PXDNL: variants seen among roughly 807,000 people sequenced by gnomAD.
PXDNL encodes peroxidasin like.
In PXDNL, 145 loss-of-function variants were observed where a neutral mutation model predicts 150.8. The observed-to-expected ratio is 0.96, with a 90% CI of 0.84 to 1.10. The LOEUF is 1.10. PXDNL is among the 50% of genes least tolerant of loss of function. The pLI, the probability that PXDNL is intolerant of heterozygous loss-of-function variation, is 0.00. For missense variants in PXDNL, 2,087 were observed against 1,873.9 expected (o/e 1.11, Z -2.10); for synonymous variants, 757 against 725.7 (o/e 1.04, Z -0.69).
chr8:51,448,461 T>A (rs1254945171), intron 11 of PXDNL, among the ~76,000 whole-genome samples: 1 of 151,946 alleles, frequency 6.6e-6, no homozygotes, highest in Non-Finnish European at 1.5e-5. Flanking sequence ...TCCCAGAACT[T>A]TGGGAGGCCG....
rs777778611 is a variant in PXDNL, at chr8:51,367,480, GT to G, written c.3901+4392del. Among the ~76,000 whole-genome samples the G allele has an allele frequency of 1.6e-3, 245 of 152,214 alleles. 3 individuals are homozygous for G. Among genetic ancestry groups the G allele is most frequent in the Admixed American group, 3.2e-3 (49 of 15,286 alleles). ...TATTAATATAATTGTTTGTGGAATC[GT>G]CATGTTTATCTTTTTAGAAATAAAT... On this transcript the variant is annotated intron_variant, in intron 19 of 22. Transcript: ENST00000356297.
Position 51,409,321 on chromosome 8 carries a change from C to T in PXDNL, c.2303G>A (p.Gly768Asp), listed in dbSNP as rs956681464. ...GGGCTGGCGGGAGCCCACAGGAAGG[C>T]CGAGCCCGCGGGGCGCGCGGATGCC... Reference protein sequence around the residue: ...RDGIRAPRGLGLPVGSRQPLP... With the variant: ...RDGIRAPRGLDLPVGSRQPLP... The change falls in exon 17 of 23, where the codon GGC becomes GAC. Residue 768 changes from glycine (G) to aspartate (D), a missense_variant. Coordinates refer to ENST00000356297, the MANE Select transcript of PXDNL (RefSeq NM_144651.5). The T allele has an allele frequency of 1.6e-5, 23 of 1,427,912 alleles. No homozygotes were observed. The highest frequency in any genetic ancestry group is 2.0e-5 in the Non-Finnish European group (22 of 1,097,586). 88.5% of individuals were successfully genotyped at this position (1,427,912 alleles called of 1,614,324 possible).
intron 2 of PXDNL, among the ~76,000 whole-genome samples, chr8:51,607,921 G>A (rs1228833151): frequency 3.0e-5 from 4 of 133,958 alleles, no homozygotes; most frequent in Non-Finnish European, 6.1e-5. Context: ...AGGGAAGGAA[G>A]GAAGGAAAGA....
chr8:51,431,122 G>GA (rs1376780403), intron 12 of PXDNL, among the ~76,000 whole-genome samples: 19 of 151,836 alleles, frequency 1.3e-4, no homozygotes, highest in Non-Finnish European at 1.6e-4. Flanking sequence ...CATCTAAACT[G>GA]AAAAAAATAA....
chr8:51,363,254 C>A (rs1042283963), intron 19 of PXDNL, among the ~76,000 whole-genome samples: 4 of 151,944 alleles, frequency 2.6e-5, no homozygotes, highest in Non-Finnish European at 5.9e-5. Context: ...GGCTAAATGG[C>A]ATATAGGGGA....
At chr8:51,776,340 T>TA (rs773220743) in intron 1 of PXDNL, among the ~76,000 whole-genome samples, 1 of 152,172 alleles carries the variant, frequency 6.6e-6, no homozygotes, top group Non-Finnish European at 1.5e-5. Context: ...AAATCACTAA[T>TA]AAAAACTTGC....
chr8:51,692,614 C>A (rs1816026791), intron 1 of PXDNL, among the ~76,000 whole-genome samples: 1 of 152,160 alleles, frequency 6.6e-6, no homozygotes, highest in African/African-American at 2.4e-5. Context: ...AAGAGAAAAT[C>A]AAGGAAGAAG....
intron 4 of PXDNL, among the ~76,000 whole-genome samples, chr8:51,544,795 GT>G (rs1219867760): frequency 1.3e-5 from 2 of 152,086 alleles, no homozygotes; most frequent in African/African-American, 4.8e-5. Flanking sequence ...TTTCTATACT[GT>G]GCTACTGTCA....
chr8:51,493,894 G>A (rs1365361313), intron 5 of PXDNL, among the ~76,000 whole-genome samples: 1 of 152,160 alleles, frequency 6.6e-6, no homozygotes, highest in African/African-American at 2.4e-5. Flanking sequence ...AATCTAGCAA[G>A]GCAGGCCAAC....
chr8:51,609,365 T>G (rs1813946945), intron 2 of PXDNL, among the ~76,000 whole-genome samples: 1 of 152,220 alleles, frequency 6.6e-6, no homozygotes, highest in African/African-American at 2.4e-5. Context: ...ATGGACTACC[T>G]GGAAATATGG....
At chr8:51,406,943 T>G (rs1808453062) in intron 17 of PXDNL, among the ~76,000 whole-genome samples, 1 of 152,236 alleles carries the variant, frequency 6.6e-6, no homozygotes. Flanking sequence ...GGCTAACATT[T>G]ATTGATTGCC....
intron 19 of PXDNL, among the ~76,000 whole-genome samples, chr8:51,348,062 T>A (rs556904797): frequency 6.6e-6 from 1 of 152,330 alleles, no homozygotes; most frequent in African/African-American, 2.4e-5. Flanking sequence ...GGCTAGGCAC[T>A]GTAGAGAAAA....
At chr8:51,756,590 CT>C in intron 1 of PXDNL, among the ~76,000 whole-genome samples, 1 of 152,082 alleles carries the variant, frequency 6.6e-6, no homozygotes. Flanking sequence ...GTACAGGAAG[CT>C]TCATAGTAAT....
At chr8:51,727,763 A>G (rs1816842030) in intron 1 of PXDNL, among the ~76,000 whole-genome samples, 1 of 152,188 alleles carries the variant, frequency 6.6e-6, no homozygotes, top group South Asian at 2.1e-4. Flanking sequence ...TGAGGCAAAC[A>G]CCTATGGTAG....
At chr8:51,399,980 T>C (rs1261924733) in intron 17 of PXDNL, among the ~76,000 whole-genome samples, 2 of 152,240 alleles carry the variant, frequency 1.3e-5, no homozygotes, top group Non-Finnish European at 2.9e-5. Flanking sequence ...ATTTCTTCAG[T>C]TGAATATTTA....
chr8:51,359,759 A>T (rs900133647), intron 19 of PXDNL, among the ~76,000 whole-genome samples: 2 of 152,156 alleles, frequency 1.3e-5, no homozygotes, highest in East Asian at 1.9e-4. Flanking sequence ...GAATCCCATT[A>T]AAAAAGCATT....
intron 18 of PXDNL, among the ~76,000 whole-genome samples, chr8:51,374,030 A>C (rs879428391): frequency 3.9e-5 from 6 of 152,204 alleles, no homozygotes; most frequent in Non-Finnish European, 7.3e-5. Flanking sequence ...ATTTTAGACA[A>C]ACCAAGAAAT....
At chr8:51,413,685 T>A (rs10435583) in intron 14 of PXDNL, among the ~76,000 whole-genome samples, 18,942 of 152,084 alleles carry the variant, frequency 0.12, 1,431 homozygotes, top group East Asian at 0.3. Context: ...AAGGCAAGAA[T>A]TGAACTCTCA....
At chr8:51,591,990 G>A (rs1420791763) in intron 3 of PXDNL, among the ~76,000 whole-genome samples, 1 of 152,188 alleles carries the variant, frequency 6.6e-6, no homozygotes, top group East Asian at 1.9e-4. Context: ...AGCCCTTGTA[G>A]TTTGTTTCTT....
Sources: gnomAD v4.1 joint callset for allele counts (sites outside exome capture counted in the v4.1 genomes callset) on GRCh38, gnomAD v4.1.1 for gene constraint, MANE v1.5 for transcripts, NCBI Gene and HGNC (gene_info 2026-07-23, HGNC 2026-07-21) for gene names.